The following SGSM1 variants were observed in gnomAD, a reference collection of about 807,000 sequenced individuals.
The protein encoded by SGSM1 is RUN and TBC1 domain containing 2.
Under a neutral mutation model 133.8 loss-of-function variants are expected in SGSM1, and 73 were observed. The observed-to-expected ratio is 0.55, with a 90% CI of 0.45 to 0.66. The LOEUF (loss-of-function observed/expected upper bound fraction) is 0.66. Ranked by LOEUF, SGSM1 falls within the 30% of genes least tolerant of loss-of-function variation. SGSM1 has a pLI of 0.00. For synonymous variants in SGSM1, 563 were observed against 573.0 expected (o/e 0.98, Z 0.25); for missense variants, 1,213 against 1,448.1 (o/e 0.84, Z 2.64).
At chr22:24,815,030 A>G (rs1481467023) in intron 2 of SGSM1, among the ~76,000 whole-genome samples, 1 of 152,256 alleles carries the variant, frequency 6.6e-6, no homozygotes, top group Admixed American at 6.5e-5. Flanking sequence ...AAGGGGGCTA[A>G]GAATGCTAAA....
chr22:24,897,092 A>T (rs1389495993), intron 18 of SGSM1, among the ~76,000 whole-genome samples: 4 of 152,012 alleles, frequency 2.6e-5, no homozygotes, highest in African/African-American at 9.7e-5. Flanking sequence ...CTCAGAGTCA[A>T]CTGCACGCGG....
At chr22:24,846,828 G>A (rs997741356) in intron 3 of SGSM1, among the ~76,000 whole-genome samples, 1 of 151,292 alleles carries the variant, frequency 6.6e-6, no homozygotes, top group African/African-American at 2.4e-5. Flanking sequence ...TTGTTTTTTT[G>A]TTTGTTTGTT....
Position 24,806,325 on chromosome 22 carries a change from C to T in SGSM1, c.-1C>T, listed in dbSNP as rs760230601. On this transcript the variant is annotated 5_prime_UTR_variant, in exon 1 of 25. Transcript: ENST00000400358. ...GGACTCGGAACGCAGCGCTCGGAGC[C>T]ATGGCCTCGGCCCCCGCGGGTAAGA... is the stretch of plus-strand genomic sequence containing the variant. 3 of 1,469,086 alleles carry T rather than the reference C, an allele frequency of 2.0e-6. No homozygotes were observed. The Admixed American group carries it at 8.0e-5, about 39-fold the overall frequency. The allele number at this position is 1,469,086 out of a possible 1,614,324, so 91.0% of individuals were successfully genotyped here. A position where few individuals can be genotyped will look rare whatever the true frequency, so the allele number is the denominator to read the frequency against.
chr22:24,849,158 A>C (rs995183611), intron 4 of SGSM1, among the ~76,000 whole-genome samples: 3 of 151,980 alleles, frequency 2.0e-5, no homozygotes, highest in African/African-American at 7.2e-5. Flanking sequence ...AGCTTCCTCT[A>C]TACGTCAGCC....
intron 2 of SGSM1, among the ~76,000 whole-genome samples, chr22:24,811,669 C>T (rs1231428705): frequency 6.6e-6 from 1 of 151,956 alleles, no homozygotes; most frequent in Non-Finnish European, 1.5e-5. Flanking sequence ...AGTTTGGGAC[C>T]AGCCTGGGCA....
intron 2 of SGSM1, among the ~76,000 whole-genome samples, chr22:24,820,648 A>T (rs16979000): frequency 0.049 from 7,440 of 152,208 alleles, 576 homozygotes; most frequent in African/African-American, 0.17. Flanking sequence ...GTGACAGGAA[A>T]GATGGAAGGG....
intron 22 of SGSM1, among the ~76,000 whole-genome samples, chr22:24,915,265 G>A (rs1173335340): frequency 6.9e-6 from 1 of 144,460 alleles, no homozygotes; most frequent in Non-Finnish European, 1.5e-5. Flanking sequence ...AACAAACAGC[G>A]CTGCACTGAA....
intron 13 of SGSM1, among the ~76,000 whole-genome samples, chr22:24,877,142 C>G (rs1932065549): frequency 6.6e-6 from 1 of 152,188 alleles, no homozygotes; most frequent in Non-Finnish European, 1.5e-5. Context: ...CAGCACATGT[C>G]ATATCCACTC....
intron 9 of SGSM1, among the ~76,000 whole-genome samples, chr22:24,864,322 C>T (rs556252298): frequency 2.0e-5 from 3 of 152,026 alleles, no homozygotes; most frequent in Middle Eastern, 3.2e-3. Context: ...AGGGATCTAC[C>T]CAAGAGAAGT....
intron 4 of SGSM1, among the ~76,000 whole-genome samples, chr22:24,849,189 T>C (rs1013958891): frequency 6.6e-6 from 1 of 150,872 alleles, no homozygotes; most frequent in African/African-American, 2.4e-5. Context: ...GCCCTGGAGA[T>C]ACAGAAATGA....
chr22:24,831,942 G>A (rs1413772707), intron 2 of SGSM1, among the ~76,000 whole-genome samples: 1 of 152,250 alleles, frequency 6.6e-6, no homozygotes, highest in Non-Finnish European at 1.5e-5. Flanking sequence ...GTATCACTGA[G>A]TCCTAGAGAG....
At chr22:24,881,115 C>T (rs1329934578) in intron 14 of SGSM1, among the ~76,000 whole-genome samples, 1 of 145,980 alleles carries the variant, frequency 6.9e-6, no homozygotes, top group African/African-American at 2.5e-5. Flanking sequence ...ATCGCTTGAA[C>T]CCAGGAGGCA....
At chr22:24,833,519 G>A (rs1452402736) in intron 2 of SGSM1, among the ~76,000 whole-genome samples, 1 of 151,990 alleles carries the variant, frequency 6.6e-6, no homozygotes, top group Non-Finnish European at 1.5e-5. Flanking sequence ...TCAGCTGGGC[G>A]TGGTGGCCAG....
intron 9 of SGSM1, among the ~76,000 whole-genome samples, chr22:24,861,455 C>A (rs1286388643): frequency 6.6e-6 from 1 of 152,056 alleles, no homozygotes; most frequent in Non-Finnish European, 1.5e-5. Flanking sequence ...TGGTCCTGTG[C>A]TGGGCACAAT....
intron 2 of SGSM1, among the ~76,000 whole-genome samples, chr22:24,822,320 C>T (rs190311740): frequency 3.0e-4 from 46 of 152,116 alleles, no homozygotes; most frequent in African/African-American, 1.0e-3. Flanking sequence ...TCTCGATCTC[C>T]TGACCTCCTG....
chr22:24,842,892 G>A (rs988923243), intron 2 of SGSM1, among the ~76,000 whole-genome samples: 1 of 152,200 alleles, frequency 6.6e-6, no homozygotes. Flanking sequence ...GCCTTCCCAA[G>A]TGCCTTGAAG....
At chr22:24,824,191 T>C (rs938622011) in intron 2 of SGSM1, among the ~76,000 whole-genome samples, 3 of 152,072 alleles carry the variant, frequency 2.0e-5, no homozygotes, top group East Asian at 1.9e-4. Flanking sequence ...GGGGGATTTT[T>C]CCAGAGCTGG....
At chr22:24,834,457 A>G (rs760386334) in intron 2 of SGSM1, among the ~76,000 whole-genome samples, 16 of 152,358 alleles carry the variant, frequency 1.1e-4, no homozygotes, top group Middle Eastern at 3.4e-3. Context: ...CTTTCATGCT[A>G]CAAGGGCAGA....
intron 21 of SGSM1, among the ~76,000 whole-genome samples, chr22:24,912,087 A>G (rs1427549476): frequency 6.6e-6 from 1 of 150,960 alleles, no homozygotes; most frequent in African/African-American, 2.4e-5. Context: ...AAAACTATCA[A>G]GGTCATCAAA....
Sources: gnomAD v4.1 joint callset for allele counts (sites outside exome capture counted in the v4.1 genomes callset) on GRCh38, gnomAD v4.1.1 for gene constraint, MANE v1.5 for transcripts, NCBI Gene and HGNC (gene_info 2026-07-23, HGNC 2026-07-21) for gene names.